Variants in TRAPPC9 observed in about 807,000 individuals in gnomAD.
TRAPPC9 encodes the protein trafficking protein particle complex subunit 9.
TRAPPC9 carries 83 observed loss-of-function variants against 124.0 expected under a neutral mutation model. The observed-to-expected ratio is 0.67, with a 90% CI of 0.56 to 0.80. TRAPPC9 has a LOEUF of 0.80. TRAPPC9 is among the 30% of genes least tolerant of loss of function. The probability of loss-of-function intolerance (pLI) is 0.00; values close to 1 mark genes in which losing one functional copy is unlikely to be tolerated. For synonymous variants in TRAPPC9, 638 were observed against 617.5 expected (o/e 1.03, Z -0.49); for missense variants, 1,302 against 1,508.3 (o/e 0.86, Z 2.27).
At chr8:140,194,884 G>A (rs1163227244) in intron 17 of TRAPPC9, among the ~76,000 whole-genome samples, 3 of 151,702 alleles carry the variant, frequency 2.0e-5, no homozygotes, top group Non-Finnish European at 2.9e-5. Flanking sequence ...TCGCACCTGT[G>A]ACACTAAAAC....
chr8:140,422,511 T>C (rs921593955), intron 5 of TRAPPC9, among the ~76,000 whole-genome samples: 1 of 152,046 alleles, frequency 6.6e-6, no homozygotes, highest in Non-Finnish European at 1.5e-5. Flanking sequence ...CCCAACACTT[T>C]GGGAGGCCGA....
intron 17 of TRAPPC9, among the ~76,000 whole-genome samples, chr8:140,156,978 T>C (rs2061646817): frequency 1.7e-5 from 2 of 118,400 alleles, no homozygotes; most frequent in East Asian, 2.9e-4. Context: ...TTCAAAAGCC[T>C]CCCTTTCCAT....
At chr8:140,283,291 T>C (rs1160356313) in intron 14 of TRAPPC9, among the ~76,000 whole-genome samples, 1 of 112,024 alleles carries the variant, frequency 8.9e-6, no homozygotes, top group Non-Finnish European at 1.7e-5. Context: ...TTAATTAAAA[T>C]TCCTTTTTTT....
chr8:140,114,531 T>C lies in TRAPPC9; in HGVS notation c.2557-90452A>G, dbSNP rs2060842962. On this transcript the variant is annotated intron_variant, in intron 17 of 22. Transcript: ENST00000438773. Reference sequence around the variant, plus strand: ...AAGATGACATTAATGTAGCCATCCTTGGCACCTGATGGTAAAATCTTTAAT... The same window carrying C: ...AAGATGACATTAATGTAGCCATCCTCGGCACCTGATGGTAAAATCTTTAAT... Among the ~76,000 whole-genome samples, 3 of 152,208 alleles carry C rather than the reference T, an allele frequency of 2.0e-5. No homozygotes were observed. The South Asian group carries it at 6.2e-4, about 31-fold the overall frequency.
intron 17 of TRAPPC9, among the ~76,000 whole-genome samples, chr8:140,116,937 A>C (rs772446323): frequency 5.3e-5 from 8 of 151,684 alleles, no homozygotes; most frequent in Non-Finnish European, 8.8e-5. Flanking sequence ...GAGTAGGCGG[A>C]GTTCAGTGAG....
chr8:140,143,815 T>G (rs1404463800), intron 17 of TRAPPC9, among the ~76,000 whole-genome samples: 1 of 152,232 alleles, frequency 6.6e-6, no homozygotes, highest in Non-Finnish European at 1.5e-5. Flanking sequence ...AATGCCCCCA[T>G]GCCATTCCAT....
At chr8:140,326,717 CA>C (rs550511861) in intron 9 of TRAPPC9, among the ~76,000 whole-genome samples, 18 of 147,298 alleles carry the variant, frequency 1.2e-4, no homozygotes, top group African/African-American at 2.0e-4. Context: ...TAATAAAATT[CA>C]AAAAAAAAAT....
At chr8:140,030,894 G>A (rs543821060) in intron 17 of TRAPPC9, among the ~76,000 whole-genome samples, 3 of 152,252 alleles carry the variant, frequency 2.0e-5, no homozygotes, top group African/African-American at 7.2e-5. Flanking sequence ...ACTATGGAGG[G>A]TGATAAAAAT....
At chr8:139,871,668 T>C (rs1222516292) in intron 21 of TRAPPC9, among the ~76,000 whole-genome samples, 2 of 152,148 alleles carry the variant, frequency 1.3e-5, no homozygotes, top group African/African-American at 4.8e-5. Context: ...AGCAGGCAGC[T>C]AGAGGAGGAG....
chr8:139,952,702 T>C (rs1243949814), intron 19 of TRAPPC9, among the ~76,000 whole-genome samples: 2 of 152,120 alleles, frequency 1.3e-5, no homozygotes, highest in Non-Finnish European at 2.9e-5. Context: ...GGGGTGCTGG[T>C]GGGGCACCTG....
intron 21 of TRAPPC9, among the ~76,000 whole-genome samples, chr8:139,856,069 C>G (rs530786205): frequency 1.2e-4 from 18 of 152,320 alleles, no homozygotes; most frequent in African/African-American, 4.1e-4. Context: ...TCCAGCTTCA[C>G]AGGCTGTGTG....
chr8:139,982,399 G>A (rs1836968829), intron 19 of TRAPPC9, among the ~76,000 whole-genome samples: 1 of 152,086 alleles, frequency 6.6e-6, no homozygotes, highest in Non-Finnish European at 1.5e-5. Flanking sequence ...TACTCATAGG[G>A]AAAAATGAGT....
chr8:140,290,893 C>T (rs1219433587), intron 12 of TRAPPC9, 100 bp downstream of exon 12: 3 of 928,358 alleles, frequency 3.2e-6, no homozygotes, highest in Non-Finnish European at 5.3e-6. Flanking sequence ...TAAAAACAGA[C>T]ACATATCGTA....
chr8:139,794,038 G>A (rs894851484), intron 21 of TRAPPC9, among the ~76,000 whole-genome samples: 1 of 152,082 alleles, frequency 6.6e-6, no homozygotes, highest in East Asian at 1.9e-4. Flanking sequence ...AGGTCTCTTG[G>A]GAGAGGCCTC....
chr8:139,728,628 G>A lies in TRAPPC9; in HGVS notation c.*2433C>T, dbSNP rs979258663. ...CACATCCCACGGTAAAGCTCCAAAC[G>A]CTTGGAGCACACACAAGGCCTGACT... On this transcript the variant is annotated 3_prime_UTR_variant, in exon 23 of 23. Coordinates refer to ENST00000438773, the MANE Select transcript of TRAPPC9 (RefSeq NM_001160372.4). 3.9e-5 allele frequency among the ~76,000 whole-genome samples: 6 copies of A among 152,182 alleles called. No individual in the cohort carries two copies. Among genetic ancestry groups the A allele is most frequent in the East Asian group, 1.9e-4 (1 of 5,196 alleles).
chr8:139,740,788 C>T (rs899442305), intron 21 of TRAPPC9, among the ~76,000 whole-genome samples: 13 of 152,224 alleles, frequency 8.5e-5, no homozygotes, highest in Non-Finnish European at 1.8e-4. Flanking sequence ...ACCCGTCCTT[C>T]GGCCTCTCCA....
At chr8:140,153,226 G>A (rs567227742) in intron 17 of TRAPPC9, among the ~76,000 whole-genome samples, 1 of 152,054 alleles carries the variant, frequency 6.6e-6, no homozygotes, top group Non-Finnish European at 1.5e-5. Flanking sequence ...CCAAGCACAG[G>A]CCCCTCCTCA....
intron 19 of TRAPPC9, among the ~76,000 whole-genome samples, chr8:139,913,662 G>C (rs1831907025): frequency 6.6e-6 from 1 of 152,110 alleles, no homozygotes; most frequent in South Asian, 2.1e-4. Flanking sequence ...TGCAGCCCTG[G>C]GATGGCCGAC....
intron 17 of TRAPPC9, among the ~76,000 whole-genome samples, chr8:140,123,766 A>G (rs2130636498): frequency 6.6e-6 from 1 of 152,354 alleles, no homozygotes; most frequent in Admixed American, 6.5e-5. Flanking sequence ...CTGATAGTAT[A>G]CTAGGGGCCA....
Sources: gnomAD v4.1 joint callset for allele counts (sites outside exome capture counted in the v4.1 genomes callset) on GRCh38, gnomAD v4.1.1 for gene constraint, MANE v1.5 for transcripts, NCBI Gene and HGNC (gene_info 2026-07-23, HGNC 2026-07-21) for gene names.